KRAS: variants seen among roughly 807,000 people sequenced by gnomAD.
The protein encoded by KRAS is GTPase KRas.
In KRAS, 1 loss-of-function variant was observed where a neutral mutation model predicts 21.0. The observed-to-expected ratio is 0.05, with a 90% CI of 0.02 to 0.23. The LOEUF is 0.23. Among genes scored for constraint, KRAS ranks in the 10% least tolerant of loss-of-function variants. The pLI, the probability that KRAS is intolerant of heterozygous loss-of-function variation, is 1.00. For missense variants in KRAS, 107 were observed against 221.8 expected (o/e 0.48, Z 3.29); for synonymous variants, 67 against 72.5 (o/e 0.92, Z 0.39).
In KRAS at chr12:25,250,861, G is replaced by A. The variant is rs61759617; in HGVS notation, c.-122C>T. The A allele has an allele frequency of 8.9e-4, 219 of 246,296 alleles. 1 individual carries two copies. Among genetic ancestry groups the A allele is most frequent in the African/African-American group, 4.6e-3 (202 of 44,348 alleles). The allele number at this position is 246,296 out of a possible 1,614,324, so 15.3% of individuals were successfully genotyped here. ...GGCGGGGGCCGGGAGTACTGGCCGA[G>A]CCGCCGCCACCTTCGCCGCCGCCAC... On this transcript the variant is annotated 5_prime_UTR_variant, in exon 1 of 5. Transcript: ENST00000311936.
chr12:25,230,462 C>G (rs537626554), intron 2 of KRAS, among the ~76,000 whole-genome samples: 2 of 152,036 alleles, frequency 1.3e-5, no homozygotes. Flanking sequence ...AACCCCATCT[C>G]TACTAAACAT....
At chr12:25,246,288 C>T (rs529250691) in intron 1 of KRAS, among the ~76,000 whole-genome samples, 5 of 152,130 alleles carry the variant, frequency 3.3e-5, no homozygotes, top group Non-Finnish European at 7.4e-5. Flanking sequence ...CCGGGTGCGG[C>T]GGCTCATGCC....
chr12:25,246,821 G>A (rs898502016), intron 1 of KRAS, among the ~76,000 whole-genome samples: 3 of 151,516 alleles, frequency 2.0e-5, no homozygotes, highest in Admixed American at 6.6e-5. Context: ...GGAGGCTGAG[G>A]CAGAAGAATG....
intron 2 of KRAS, chr12:25,233,843 T>C (rs1951509286): frequency 5.1e-6 from 1 of 195,556 alleles, no homozygotes; most frequent in African/African-American, 2.3e-5. Context: ...ATGCAGATAC[T>C]AAAAAATGAA....
intron 4 of KRAS, among the ~76,000 whole-genome samples, chr12:25,219,261 T>C (rs4963860): frequency 0.49 from 74,243 of 152,012 alleles, 19,183 homozygotes; most frequent in East Asian, 0.8. Flanking sequence ...ACACATATAC[T>C]CATTTTCAAA....
intron 4 of KRAS, 24 bp downstream of exon 4, chr12:25,225,590 T>G: frequency 1.2e-6 from 2 of 1,609,396 alleles, no homozygotes; most frequent in Non-Finnish European, 8.5e-7. Flanking sequence ...AAAACAGATC[T>G]GTATTTATTT....
chr12:25,210,771 T>C (rs1002935877), intron 4 of KRAS: 1 of 152,198 alleles, frequency 6.6e-6, no homozygotes, highest in Non-Finnish European at 1.5e-5. Flanking sequence ...GTGACCACCA[T>C]CTATTTATGA....
chr12:25,222,183 A>T (rs779737629), intron 4 of KRAS, among the ~76,000 whole-genome samples: 5 of 150,922 alleles, frequency 3.3e-5, no homozygotes, highest in Non-Finnish European at 7.4e-5. Context: ...AAAAATAAAT[A>T]AATAAATAAA....
intron 2 of KRAS, among the ~76,000 whole-genome samples, chr12:25,242,803 A>T (rs1951626834): frequency 6.6e-6 from 1 of 152,164 alleles, no homozygotes; most frequent in South Asian, 2.1e-4. Context: ...TACAGTGCAA[A>T]TTCTACTTAA....
At chr12:25,235,930 A>T (rs935016475) in intron 2 of KRAS, among the ~76,000 whole-genome samples, 1 of 152,184 alleles carries the variant, frequency 6.6e-6, no homozygotes, top group African/African-American at 2.4e-5. Context: ...AGATCCTTGC[A>T]TGGGCAGTTC....
chr12:25,229,176 G>A (rs1382687050), intron 2 of KRAS, among the ~76,000 whole-genome samples: 2 of 152,178 alleles, frequency 1.3e-5, no homozygotes, highest in South Asian at 2.1e-4. Context: ...CAATGCAAGT[G>A]TACATGCTGG....
At chr12:25,226,942 A>G (rs1266812926) in intron 3 of KRAS, among the ~76,000 whole-genome samples, 1 of 152,102 alleles carries the variant, frequency 6.6e-6, no homozygotes, top group East Asian at 1.9e-4. Context: ...GATGTATCTA[A>G]AAAGTTTAAA....
chr12:25,240,635 C>A (rs1390846650), intron 2 of KRAS, among the ~76,000 whole-genome samples: 2 of 152,176 alleles, frequency 1.3e-5, no homozygotes, highest in African/African-American at 4.8e-5. Context: ...CAGTGAAGAA[C>A]ATTTCTAGGA....
chr12:25,248,735 A>T (rs945161648), intron 1 of KRAS, among the ~76,000 whole-genome samples: 1 of 152,108 alleles, frequency 6.6e-6, no homozygotes, highest in Non-Finnish European at 1.5e-5. Context: ...CCTCACCGAG[A>T]GTTAGAAAAG....
chr12:25,239,051 C>T (rs1439282078), intron 2 of KRAS, among the ~76,000 whole-genome samples: 1 of 152,198 alleles, frequency 6.6e-6, no homozygotes, highest in Non-Finnish European at 1.5e-5. Flanking sequence ...CCCTTCCTAG[C>T]AGTTATCATT....
chr12:25,237,488 GT>G (rs61761100), intron 2 of KRAS, among the ~76,000 whole-genome samples: 2,351 of 152,282 alleles, frequency 0.015, 43 homozygotes, highest in Middle Eastern at 0.068. Flanking sequence ...TGAATTCCCT[GT>G]ACTCATGGGT....
At chr12:25,233,830 T>C (rs1951509081) in intron 2 of KRAS, 5 of 197,966 alleles carry the variant, frequency 2.5e-5, no homozygotes, top group Non-Finnish European at 4.2e-5. Flanking sequence ...TTGATGTAAA[T>C]ATATGCAGAT....
intron 2 of KRAS, chr12:25,234,012 C>T (rs1951511847): frequency 5.2e-6 from 1 of 191,018 alleles, no homozygotes; most frequent in Non-Finnish European, 1.1e-5. Context: ...TGTGCAAAGG[C>T]AGATTTTTTA....
intron 4 of KRAS, among the ~76,000 whole-genome samples, chr12:25,219,400 C>G (rs984898409): frequency 1.3e-5 from 2 of 152,130 alleles, no homozygotes; most frequent in Non-Finnish European, 2.9e-5. Flanking sequence ...TGAAAACATA[C>G]TTGTGAGGCT....
Sources: gnomAD v4.1 joint callset for allele counts (sites outside exome capture counted in the v4.1 genomes callset) on GRCh38, gnomAD v4.1.1 for gene constraint, MANE v1.5 for transcripts, NCBI Gene and HGNC (gene_info 2026-07-23, HGNC 2026-07-21) for gene names.